COMMD6: variants seen among roughly 807,000 people sequenced by gnomAD.
COMMD6 encodes the protein COMM domain-containing protein 6.
In COMMD6, 11 loss-of-function variants were observed where a neutral mutation model predicts 13.4. The observed-to-expected ratio is 0.82, with a 90% CI of 0.52 to 1.36. The LOEUF is 1.36. Among genes scored for constraint, COMMD6 ranks in the 40% most tolerant of loss-of-function variants. The probability of loss-of-function intolerance (pLI) is 0.00; values close to 1 mark genes in which losing one functional copy is unlikely to be tolerated. For missense variants in COMMD6, 124 were observed against 102.4 expected, an observed-to-expected ratio of 1.21 and a Z score of -0.91; for synonymous variants, 43 against 36.5, an observed-to-expected ratio of 1.18 and a Z score of -0.64.
At chr13:75,537,921 C>G, upstream of COMMD6, 1 of 1,033,790 alleles carries the variant, frequency 9.7e-7, no homozygotes, top group Non-Finnish European at 1.4e-6. Context: ...GCAGGGGAAG[C>G]TGAAAAAAGC....
intron 2 of COMMD6, among the ~76,000 whole-genome samples, chr13:75,534,716 A>G (rs2030602073): frequency 6.6e-6 from 1 of 152,218 alleles, no homozygotes; most frequent in South Asian, 2.1e-4. Context: ...AATGAATATA[A>G]AGAATAATCA....
At chr13:75,528,001 G>A in intron 3 of COMMD6, 2 of 286,750 alleles carry the variant, frequency 7.0e-6, no homozygotes, top group Non-Finnish European at 1.2e-5. Flanking sequence ...CATGCCCTCA[G>A]CACACACACA....
At chr13:75,536,297 T>C (rs2030661144) in intron 2 of COMMD6, among the ~76,000 whole-genome samples, 1 of 152,246 alleles carries the variant, frequency 6.6e-6, no homozygotes, top group Admixed American at 6.5e-5. Context: ...CTAATAATGT[T>C]TGTAAATGAT....
upstream of COMMD6, among the ~76,000 whole-genome samples, chr13:75,539,389 A>G (rs116114989): frequency 2.4e-3 from 361 of 152,196 alleles, 2 homozygotes; most frequent in African/African-American, 8.3e-3. Flanking sequence ...GCAGACATGC[A>G]TCACCATGCC....
chr13:75,544,944 A>AAAAAAAAAAC (rs2030884392), intron 1 of COMMD6, among the ~76,000 whole-genome samples: 1 of 131,370 alleles, frequency 7.6e-6, no homozygotes, highest in Non-Finnish European at 1.7e-5. Context: ...AAAAAAAAAC[A>AAAAAAAAAAC]AAAAACAAGA....
intron 2 of COMMD6, among the ~76,000 whole-genome samples, chr13:75,536,057 T>C (rs1408921155): frequency 3.3e-5 from 5 of 152,096 alleles, no homozygotes; most frequent in Admixed American, 6.5e-5. Context: ...CTGATTAATT[T>C]TTTTATTTTT....
rs749312194 is a variant in COMMD6, at chr13:75,546,648, A to G, written n.106+2675T>C. Among the ~76,000 whole-genome samples the G allele has an allele frequency of 9.2e-5, 14 of 152,240 alleles. 1 individual carries two copies. The highest frequency in any genetic ancestry group is 1.2e-4 in the Non-Finnish European group (8 of 68,040). On this transcript the variant is annotated intron_variant and non_coding_transcript_variant, in intron 1 of 2. Coordinates refer to the COMMD6 transcript ENST00000460675. Reference sequence around the variant, plus strand: ...CGATAAACCTTTATATCCTTTGACAACCATCAAAATTATACTGTCAATGCT... The same window carrying G: ...CGATAAACCTTTATATCCTTTGACAGCCATCAAAATTATACTGTCAATGCT...
upstream of COMMD6, among the ~76,000 whole-genome samples, chr13:75,539,966 A>G (rs1451192792): frequency 1.5e-5 from 2 of 136,536 alleles, no homozygotes; most frequent in Non-Finnish European, 3.1e-5. Context: ...TTTGCAAGGA[A>G]ATCTTTTTTT....
intron 1 of COMMD6, among the ~76,000 whole-genome samples, chr13:75,546,124 T>C (rs1415669137): frequency 6.6e-6 from 1 of 152,216 alleles, no homozygotes; most frequent in African/African-American, 2.4e-5. Flanking sequence ...ACCTACCAAG[T>C]ATCCCCAAAA....
At chr13:75,542,181 G>A (rs530151246), upstream of COMMD6, among the ~76,000 whole-genome samples, 16 of 152,204 alleles carry the variant, frequency 1.1e-4, no homozygotes, top group East Asian at 3.1e-3. Flanking sequence ...CAAGGTTGTG[G>A]TATTGGCAGA....
At chr13:75,538,524 G>C (rs1417780291), upstream of COMMD6, among the ~76,000 whole-genome samples, 1 of 152,132 alleles carries the variant, frequency 6.6e-6, no homozygotes, top group African/African-American at 2.4e-5. Context: ...TTCACCAACT[G>C]TTCGCATTGT....
chr13:75,545,454 G>A (rs1419134844), intron 1 of COMMD6, among the ~76,000 whole-genome samples: 1 of 151,868 alleles, frequency 6.6e-6, no homozygotes, highest in African/African-American at 2.4e-5. Flanking sequence ...TACATCAGAT[G>A]GTTTCTTTTT....
intron 3 of COMMD6, 23 bp downstream of exon 3, chr13:75,530,091 A>T (rs1374160362): frequency 6.3e-7 from 1 of 1,590,792 alleles, no homozygotes; most frequent in South Asian, 1.1e-5. Flanking sequence ...CTGAGCTAAA[A>T]CTGGATGAGT....
At chr13:75,529,320 A>G (rs913201023) in intron 3 of COMMD6, among the ~76,000 whole-genome samples, 20 of 152,128 alleles carry the variant, frequency 1.3e-4, no homozygotes, top group African/African-American at 4.1e-4. Context: ...GGAGATCGAG[A>G]CCATCCTGGC....
chr13:75,533,845 A>C (rs1269997316), intron 2 of COMMD6, among the ~76,000 whole-genome samples: 1 of 152,192 alleles, frequency 6.6e-6, no homozygotes, highest in African/African-American at 2.4e-5. Context: ...TACTAGGGTT[A>C]TCTCTATAGG....
intron 3 of COMMD6, among the ~76,000 whole-genome samples, chr13:75,527,375 C>T (rs2030299766): frequency 1.3e-5 from 2 of 152,056 alleles, no homozygotes; most frequent in African/African-American, 2.4e-5. Flanking sequence ...AAATTTGTCA[C>T]AGAATGAAGC....
At chr13:75,531,434 TTCC>T (rs977376981) in intron 2 of COMMD6, among the ~76,000 whole-genome samples, 2 of 152,164 alleles carry the variant, frequency 1.3e-5, no homozygotes, top group Non-Finnish European at 2.9e-5. Flanking sequence ...GGACCAAAAA[TTCC>T]TCCTATCTCA....
chr13:75,548,111 C>T (rs1285495036), intron 1 of COMMD6, among the ~76,000 whole-genome samples: 1 of 152,196 alleles, frequency 6.6e-6, no homozygotes, highest in African/African-American at 2.4e-5. Flanking sequence ...TGCAGAACCT[C>T]AGGGATCTGG....
At chr13:75,538,119 G>T (rs956411339), upstream of COMMD6, among the ~76,000 whole-genome samples, 10 of 152,212 alleles carry the variant, frequency 6.6e-5, no homozygotes, top group Admixed American at 1.3e-4. Flanking sequence ...AGACTGGAGC[G>T]GGGCGGGGCA....
Sources: allele counts gnomAD v4.1 joint callset (sites outside exome capture counted in the v4.1 genomes callset), GRCh38; gene constraint gnomAD v4.1.1; transcripts MANE v1.5; gene names NCBI Gene and HGNC (gene_info 2026-07-23, HGNC 2026-07-21).